ROBO2: variants seen among roughly 807,000 people sequenced by gnomAD.
ROBO2 encodes the protein roundabout homolog 2.
In ROBO2, 53 loss-of-function variants were observed where a neutral mutation model predicts 160.8. That is an observed-to-expected ratio of 0.33 (90% CI 0.26 to 0.41). The LOEUF is 0.41. Ranked by LOEUF, ROBO2 falls within the 10% of genes least tolerant of loss-of-function variation. The pLI is 1.00. For synonymous variants in ROBO2, 664 were observed against 611.7 expected, an observed-to-expected ratio of 1.09 and a Z score of -1.26; for missense variants, 1,577 against 1,722.4, an observed-to-expected ratio of 0.92 and a Z score of 1.49.
intron 2 of ROBO2, among the ~76,000 whole-genome samples, chr3:77,125,893 C>T (rs1056615374): frequency 1.3e-5 from 2 of 152,068 alleles, no homozygotes; most frequent in Non-Finnish European, 2.9e-5. Flanking sequence ...TTCACTTCTA[C>T]TTCTGAAGTA....
chr3:76,917,477 T>A (rs927643568), intron 2 of ROBO2, among the ~76,000 whole-genome samples: 3 of 152,150 alleles, frequency 2.0e-5, no homozygotes, highest in African/African-American at 7.2e-5. Flanking sequence ...AGAAAACTAT[T>A]CAGTGGAATC....
intron 2 of ROBO2, among the ~76,000 whole-genome samples, chr3:77,189,550 A>G (rs1247856093): frequency 2.0e-5 from 3 of 151,972 alleles, no homozygotes; most frequent in African/African-American, 7.2e-5. Flanking sequence ...TGCCTGTTCA[A>G]TCTACTTCTG....
chr3:77,522,917 A>G lies in ROBO2; in HGVS notation c.934+15A>G. Reference sequence around the variant, plus strand: ...CACCGTCCGAGGTAAGAGATTTAAGATGTCAAAGATAATTGAACCAGGAGA... The same window carrying G: ...CACCGTCCGAGGTAAGAGATTTAAGGTGTCAAAGATAATTGAACCAGGAGA... On this transcript the variant is annotated intron_variant, in intron 6 of 25. Transcript: ENST00000461745. 1.9e-6 allele frequency: 3 copies of G among 1,608,566 alleles called. No homozygotes were observed. Among genetic ancestry groups the G allele is most frequent in the Non-Finnish European group, 2.6e-6 (3 of 1,176,054 alleles).
At chr3:76,534,114 T>A (rs2082368571) in intron 2 of ROBO2, among the ~76,000 whole-genome samples, 1 of 151,304 alleles carries the variant, frequency 6.6e-6, no homozygotes, top group African/African-American at 2.4e-5. Context: ...TTCTGGGGAG[T>A]TTTTTTTGGA....
At chr3:76,537,639 T>C (rs2653477) in intron 2 of ROBO2, among the ~76,000 whole-genome samples, 5,158 of 152,118 alleles carry the variant, frequency 0.034, 315 homozygotes, top group African/African-American at 0.12. Flanking sequence ...GGAACCAGTC[T>C]CCCGAAGGAG....
Position 76,965,402 on chromosome 3 carries a change from G to A in ROBO2, c.110-132612G>A, listed in dbSNP as rs557711419. Among the ~76,000 whole-genome samples, 35 of 152,274 alleles carry A rather than the reference G, an allele frequency of 2.3e-4. No individual in the cohort carries two copies. The South Asian group carries it at 7.0e-3, about 31-fold the overall frequency. The stretch of plus-strand genomic sequence containing the variant: ...TTTCTGACTCTTCCTGCCTTAGCAT[G>A]TTACTTGGTTCCATAAATGTCTGCA... On this transcript the variant is annotated intron_variant, in intron 2 of 26. Transcript: ENST00000487694.
At chr3:75,922,527 CATAA>C (rs1314706019) in intron 1 of ROBO2, among the ~76,000 whole-genome samples, 5 of 151,944 alleles carry the variant, frequency 3.3e-5, no homozygotes, top group African/African-American at 9.6e-5. Context: ...TCCAACAAAT[CATAA>C]ATAAATGATT....
chr3:77,250,048 C>A (rs1345233490), intron 2 of ROBO2, among the ~76,000 whole-genome samples: 1 of 152,072 alleles, frequency 6.6e-6, no homozygotes, highest in Admixed American at 6.5e-5. Flanking sequence ...AGTCATATTA[C>A]AGAATTAAAA....
chr3:77,620,756 C>T (rs1208965884), intron 22 of ROBO2, among the ~76,000 whole-genome samples: 1 of 152,114 alleles, frequency 6.6e-6, no homozygotes, highest in East Asian at 1.9e-4. Flanking sequence ...GAATATTAAA[C>T]AAATTCGGGA....
intron 2 of ROBO2, among the ~76,000 whole-genome samples, chr3:77,273,555 A>T (rs1238764473): frequency 6.6e-6 from 1 of 152,158 alleles, no homozygotes; most frequent in Non-Finnish European, 1.5e-5. Context: ...AAGTCATACA[A>T]TTTCCCTTGG....
intron 2 of ROBO2, among the ~76,000 whole-genome samples, chr3:76,935,540 G>A (rs150302796): frequency 3.9e-4 from 60 of 152,140 alleles, no homozygotes; most frequent in African/African-American, 1.4e-3. Context: ...TGTTCATTCA[G>A]GCTACTATCA....
At chr3:75,995,823 G>A (rs2065712073) in intron 2 of ROBO2, among the ~76,000 whole-genome samples, 1 of 152,202 alleles carries the variant, frequency 6.6e-6, no homozygotes, top group Non-Finnish European at 1.5e-5. Flanking sequence ...AGTGTGTCCT[G>A]GAGGTGAGAC....
intron 2 of ROBO2, among the ~76,000 whole-genome samples, chr3:76,882,765 A>G: frequency 6.6e-6 from 1 of 152,286 alleles, no homozygotes; most frequent in Non-Finnish European, 1.5e-5. Context: ...CTGCCCATCC[A>G]TGAAATTTAT....
Position 76,195,078 on chromosome 3 carries a change from T to C in ROBO2, c.109+257476T>C, listed in dbSNP as rs532481284. ...CATTTGTGAATAGTCAGGCAACTTG[T>C]CTTAATCTCATTGAAGAACAATAGT... On this transcript the variant is annotated intron_variant, in intron 2 of 26. Coordinates refer to the ROBO2 transcript ENST00000487694. 2.6e-5 allele frequency among the ~76,000 whole-genome samples: 4 copies of C among 152,342 alleles called. No individual in the cohort carries two copies. In the East Asian group the frequency reaches 7.7e-4, roughly 29 times the overall value.
At chr3:76,671,085 T>A (rs149863946) in intron 2 of ROBO2, among the ~76,000 whole-genome samples, 16 of 152,266 alleles carry the variant, frequency 1.1e-4, no homozygotes, top group African/African-American at 3.8e-4. Flanking sequence ...TAAAACAAAA[T>A]GCCATAAGGC....
At chr3:76,969,943 G>T (rs1324274354) in intron 2 of ROBO2, among the ~76,000 whole-genome samples, 3 of 152,016 alleles carry the variant, frequency 2.0e-5, no homozygotes, top group East Asian at 3.9e-4. Context: ...TGCAATAAGT[G>T]GCATAAGAGT....
At chr3:76,393,276 A>G (rs573476500) in intron 2 of ROBO2, among the ~76,000 whole-genome samples, 1 of 152,288 alleles carries the variant, frequency 6.6e-6, no homozygotes, top group South Asian at 2.1e-4. Context: ...GAGCTACTGA[A>G]ACAGTAAGTC....
chr3:76,585,889 T>C (rs1017930704), intron 2 of ROBO2, among the ~76,000 whole-genome samples: 2 of 152,140 alleles, frequency 1.3e-5, no homozygotes, highest in Non-Finnish European at 2.9e-5. Flanking sequence ...ACAAAATAAT[T>C]CTCAAAAGGG....
chr3:76,636,106 AATG>A (rs2090316055), intron 2 of ROBO2, among the ~76,000 whole-genome samples: 1 of 152,210 alleles, frequency 6.6e-6, no homozygotes, highest in African/African-American at 2.4e-5. Context: ...TCATAAAAAT[AATG>A]ATTATACATA....
Sources: gnomAD v4.1 joint callset for allele counts (sites outside exome capture counted in the v4.1 genomes callset) on GRCh38, gnomAD v4.1.1 for gene constraint, MANE v1.5 for transcripts, NCBI Gene and HGNC (gene_info 2026-07-23, HGNC 2026-07-21) for gene names.